DOCK8: variants seen among roughly 807,000 people sequenced by gnomAD.
DOCK8 encodes the protein dedicator of cytokinesis protein 8.
A neutral mutation model predicts 245.6 loss-of-function variants in DOCK8; 141 were observed. The ratio of observed to expected loss-of-function variants is 0.57; its 90% CI spans 0.50 to 0.66. The LOEUF is 0.66. Among genes scored for constraint, DOCK8 ranks in the 30% least tolerant of loss-of-function variants. The probability of loss-of-function intolerance (pLI) is 0.00; values close to 1 mark genes in which losing one functional copy is unlikely to be tolerated. For synonymous variants in DOCK8, 1,168 were observed against 970.2 expected, an observed-to-expected ratio of 1.20 and a Z score of -3.79; for missense variants, 2,965 against 2,603.4, an observed-to-expected ratio of 1.14 and a Z score of -3.02.
chr9:307,575 C>G (rs1355389801), intron 5 of DOCK8, among the ~76,000 whole-genome samples: 1 of 151,930 alleles, frequency 6.6e-6, no homozygotes, highest in African/African-American at 2.4e-5. Flanking sequence ...TCAGGCTGAT[C>G]TCGAACTCCT....
intron 1 of DOCK8, among the ~76,000 whole-genome samples, chr9:227,856 C>G (rs1250032043): frequency 6.6e-6 from 1 of 151,854 alleles, no homozygotes; most frequent in East Asian, 1.9e-4. Context: ...AGAAGAGATA[C>G]GAAAAGATAG....
Position 404,983 on chromosome 9 carries a change from C to G in DOCK8, c.3300C>G (p.Leu1100=), listed in dbSNP as rs201371117. ...ISMRLEFLRI[L]CSHEHYLNLN... ...TGAGGCTAGAGTTCCTGAGAATCCT[C>G]TGTAGCCATGAGCATTACCTCAATC... The change falls in exon 27 of 48, where the codon CTC becomes CTG. Residue 1100 remains leucine, a synonymous_variant. Transcript: ENST00000432829. The G allele has an allele frequency of 6.2e-7, 1 of 1,613,976 alleles. No homozygotes were observed. The highest frequency in any genetic ancestry group is 1.7e-5 in the Admixed American group (1 of 59,998).
At chr9:439,473 C>T (rs1228777841) in intron 40 of DOCK8, 85 bp downstream of exon 40, 4 of 1,554,486 alleles carry the variant, frequency 2.6e-6, no homozygotes, top group Non-Finnish European at 2.6e-6. Context: ...TCTTAATGGC[C>T]CAGTCAGCCC....
chr9:226,574 A>T (rs1429201463), intron 1 of DOCK8, among the ~76,000 whole-genome samples: 1 of 152,170 alleles, frequency 6.6e-6, no homozygotes, highest in African/African-American at 2.4e-5. Flanking sequence ...CTGGGATAAC[A>T]TTCTGGAGCT....
chr9:399,481 G>T (rs772700372), intron 26 of DOCK8, among the ~76,000 whole-genome samples: 1 of 151,274 alleles, frequency 6.6e-6, no homozygotes, highest in Non-Finnish European at 1.5e-5. Flanking sequence ...GTGTAGAAGG[G>T]TCAACAGATT....
intron 14 of DOCK8, among the ~76,000 whole-genome samples, chr9:361,855 T>A (rs2052746859): frequency 1.3e-5 from 2 of 152,250 alleles, no homozygotes; most frequent in South Asian, 4.1e-4. Context: ...TTCTAGCTGC[T>A]AACCTTCATG....
intron 4 of DOCK8, among the ~76,000 whole-genome samples, chr9:295,292 G>C (rs762371913): frequency 2.7e-4 from 41 of 152,162 alleles, no homozygotes; most frequent in Non-Finnish European, 8.8e-5. Flanking sequence ...GAGTGGGGAA[G>C]AGGGCTGACT....
chr9:323,499 G>T (rs2050617375), intron 7 of DOCK8, among the ~76,000 whole-genome samples: 2 of 152,076 alleles, frequency 1.3e-5, no homozygotes, highest in South Asian at 4.1e-4. Context: ...GGGATTACAG[G>T]CATGAGCCAC....
At chr9:342,666 C>T (rs557228087) in intron 14 of DOCK8, among the ~76,000 whole-genome samples, 3 of 152,200 alleles carry the variant, frequency 2.0e-5, no homozygotes, top group African/African-American at 7.2e-5. Flanking sequence ...GACAGGGTTT[C>T]ACCATCTTGG....
At chr9:400,731 CCACCACCACCAGCATCTT>C (rs1564015164) in intron 26 of DOCK8, among the ~76,000 whole-genome samples, 170 of 88,960 alleles carry the variant, frequency 1.9e-3, no homozygotes, top group Non-Finnish European at 2.0e-3. Context: ...ACCACCACCT[CCACCACCACCAGCATCTT>C]CACCATCACC....
At chr9:317,835 C>CTAAA (rs1489970293) in intron 7 of DOCK8, among the ~76,000 whole-genome samples, 1 of 152,148 alleles carries the variant, frequency 6.6e-6, no homozygotes, top group Non-Finnish European at 1.5e-5. Context: ...TACCGACTCC[C>CTAAA]TAAATATGTT....
At chr9:290,062 AT>A (rs1042944691) in intron 4 of DOCK8, among the ~76,000 whole-genome samples, 1 of 151,474 alleles carries the variant, frequency 6.6e-6, no homozygotes. Context: ...TTGATAGCTC[AT>A]TTTTTTTATT....
chr9:454,635 T>C (rs1006158603), intron 46 of DOCK8: 5 of 152,230 alleles, frequency 3.3e-5, no homozygotes, highest in African/African-American at 9.6e-5. Flanking sequence ...ATTGGAAATA[T>C]GATAATATCA....
At chr9:280,757 A>G (rs1307248497) in intron 2 of DOCK8, 1 of 152,230 alleles carries the variant, frequency 6.6e-6, no homozygotes, top group African/African-American at 2.4e-5. Flanking sequence ...TGTGTATGCT[A>G]CAAAATGGCT....
intron 11 of DOCK8, among the ~76,000 whole-genome samples, chr9:335,866 G>C (rs965188829): frequency 5.3e-5 from 8 of 152,172 alleles, no homozygotes; most frequent in Non-Finnish European, 1.2e-4. Context: ...AGGATAAGAA[G>C]ATACTCAAAG....
chr9:330,811 T>C (rs986863278), intron 9 of DOCK8, among the ~76,000 whole-genome samples: 1 of 152,226 alleles, frequency 6.6e-6, no homozygotes, highest in South Asian at 2.1e-4. Flanking sequence ...TTACACACTT[T>C]TGCATAAATC....
chr9:244,618 A>T (rs548306296), intron 1 of DOCK8, among the ~76,000 whole-genome samples: 1 of 152,176 alleles, frequency 6.6e-6, no homozygotes, highest in African/African-American at 2.4e-5. Context: ...ATCCCATACA[A>T]CACCTATCAT....
intron 33 of DOCK8, 147 bp downstream of exon 33, chr9:422,282 C>A: frequency 1.3e-6 from 1 of 773,872 alleles, no homozygotes; most frequent in South Asian, 1.5e-5. Context: ...CATCCAGGGA[C>A]CCAGGATAAT....
In DOCK8 at chr9:422,154, T is replaced by G. The variant is rs2056303175; in HGVS notation, c.4241+19T>G. On this transcript the variant is annotated intron_variant, in intron 33 of 47. Coordinates refer to ENST00000432829, the MANE Select transcript of DOCK8 (RefSeq NM_203447.4). ...TAGATAAGTGAGTCACTCGGCAACT[T>G]TCTGCTACTTTTACCTAAAGTCCAA... 1.2e-6 allele frequency: 2 copies of G among 1,608,834 alleles called. No homozygotes were observed. Among genetic ancestry groups the G allele is most frequent in the Non-Finnish European group, 1.7e-6 (2 of 1,175,398 alleles).
Sources: gnomAD v4.1 joint callset for allele counts (sites outside exome capture counted in the v4.1 genomes callset) on GRCh38, gnomAD v4.1.1 for gene constraint, MANE v1.5 for transcripts, NCBI Gene and HGNC (gene_info 2026-07-23, HGNC 2026-07-21) for gene names.